RPS6KC1: variants seen among roughly 807,000 people sequenced by gnomAD.
RPS6KC1 encodes ribosomal protein S6 kinase C1.
A neutral mutation model predicts 103.8 loss-of-function variants in RPS6KC1; 54 were observed. The observed-to-expected ratio is 0.52, with a 90% CI of 0.42 to 0.65. RPS6KC1 has a LOEUF of 0.65. Ranked by LOEUF, RPS6KC1 falls within the 30% of genes least tolerant of loss-of-function variation. The pLI, the probability that RPS6KC1 is intolerant of heterozygous loss-of-function variation, is 0.00. For missense variants in RPS6KC1, 1,151 were observed against 1,253.8 expected (o/e 0.92, Z 1.24); for synonymous variants, 439 against 438.7 (o/e 1.00, Z -0.01).
intron 10 of RPS6KC1, among the ~76,000 whole-genome samples, chr1:213,238,781 A>C (rs962348319): frequency 1.3e-5 from 2 of 152,198 alleles, no homozygotes; most frequent in African/African-American, 4.8e-5. Flanking sequence ...CTGATTTAAC[A>C]AGCAGTGACT....
chr1:213,521,382 C>A, the RPS6KC1 span, among the ~76,000 whole-genome samples: 1 of 152,162 alleles, frequency 6.6e-6, no homozygotes, highest in Non-Finnish European at 1.5e-5. Flanking sequence ...CTAAGCCTTC[C>A]GTGAGTCAAT....
chr1:213,768,891 A>T, the RPS6KC1 span, among the ~76,000 whole-genome samples: 1 of 152,198 alleles, frequency 6.6e-6, no homozygotes. Flanking sequence ...TAATTGTCCA[A>T]AGATTTACTT....
At chr1:213,242,800 G>T in intron 12 of RPS6KC1, 142 bp downstream of exon 12, 1 of 608,666 alleles carries the variant, frequency 1.6e-6, no homozygotes, top group Non-Finnish European at 2.9e-6. Context: ...CTTCAAAAAA[G>T]AAAATTTGGG....
At chr1:213,303,051 C>T in the RPS6KC1 span, among the ~76,000 whole-genome samples, 1 of 152,176 alleles carries the variant, frequency 6.6e-6, no homozygotes. Flanking sequence ...TTGAGTAGCA[C>T]TCGACTGTAT....
At chr1:213,541,825 G>T in the RPS6KC1 span, among the ~76,000 whole-genome samples, 5 of 152,162 alleles carry the variant, frequency 3.3e-5, no homozygotes, top group African/African-American at 7.2e-5. Flanking sequence ...GAAAGGGAGG[G>T]CCTGGGCAAA....
the RPS6KC1 span, among the ~76,000 whole-genome samples, chr1:213,588,532 C>T: frequency 6.6e-6 from 1 of 152,232 alleles, no homozygotes; most frequent in East Asian, 1.9e-4. Flanking sequence ...ATCTCCTGAC[C>T]TTGTGATCTG....
chr1:213,108,285 G>C (rs1386672031), intron 4 of RPS6KC1, among the ~76,000 whole-genome samples: 2 of 152,112 alleles, frequency 1.3e-5, no homozygotes, highest in African/African-American at 4.8e-5. Flanking sequence ...TGAAGGAACG[G>C]TCTAAATTCA....
At chr1:213,381,812 C>A in the RPS6KC1 span, among the ~76,000 whole-genome samples, 1 of 152,226 alleles carries the variant, frequency 6.6e-6, no homozygotes, top group Non-Finnish European at 1.5e-5. Context: ...ACCGATAGCA[C>A]CAAGCCTGCA....
At chr1:213,664,286 G>A in the RPS6KC1 span, among the ~76,000 whole-genome samples, 1 of 151,932 alleles carries the variant, frequency 6.6e-6, no homozygotes, top group African/African-American at 2.4e-5. Flanking sequence ...TCCGGCCTCA[G>A]GAGCATGTTC....
At chr1:213,082,292 G>A (rs527439073) in intron 3 of RPS6KC1, among the ~76,000 whole-genome samples, 211 of 152,176 alleles carry the variant, frequency 1.4e-3, no homozygotes, top group African/African-American at 4.9e-3. Context: ...TTAGCCAGGC[G>A]TGGTGGCAGG....
chr1:213,686,832 G>A, the RPS6KC1 span, among the ~76,000 whole-genome samples: 2 of 152,114 alleles, frequency 1.3e-5, no homozygotes, highest in African/African-American at 4.8e-5. Context: ...TATTTTTATG[G>A]TTATTTCTTG....
At chr1:213,109,059 C>T (rs1176934739) in intron 4 of RPS6KC1, among the ~76,000 whole-genome samples, 1 of 152,072 alleles carries the variant, frequency 6.6e-6, no homozygotes, top group Non-Finnish European at 1.5e-5. Context: ...ATCTGTAGTT[C>T]AGTTTGGGGA....
chr1:213,059,712 G>T (rs996423876), intron 1 of RPS6KC1, among the ~76,000 whole-genome samples: 4 of 151,236 alleles, frequency 2.6e-5, no homozygotes, highest in Non-Finnish European at 5.9e-5. Flanking sequence ...TCGCTCTGTT[G>T]CCCAGGCTGG....
At chr1:213,466,094 TC>T in the RPS6KC1 span, among the ~76,000 whole-genome samples, 2 of 152,034 alleles carry the variant, frequency 1.3e-5, no homozygotes, top group African/African-American at 4.8e-5. Flanking sequence ...TCCCCACCTG[TC>T]CCCCACAACC....
chr1:213,604,710 G>A, the RPS6KC1 span, among the ~76,000 whole-genome samples: 2 of 152,170 alleles, frequency 1.3e-5, no homozygotes, highest in Non-Finnish European at 1.5e-5. Flanking sequence ...TGCAGCCCTG[G>A]GGCGACCATC....
intron 8 of RPS6KC1, among the ~76,000 whole-genome samples, chr1:213,184,008 T>G (rs1261905878): frequency 6.6e-6 from 1 of 152,252 alleles, no homozygotes; most frequent in East Asian, 1.9e-4. Flanking sequence ...TTTGATAATT[T>G]AGATGGAATG....
the RPS6KC1 span, among the ~76,000 whole-genome samples, chr1:213,804,226 G>GA: frequency 6.7e-6 from 1 of 148,976 alleles, no homozygotes; most frequent in Non-Finnish European, 1.5e-5. Flanking sequence ...ATATTTTCAG[G>GA]GACCAATGCT....
At chr1:213,756,416 A>T in the RPS6KC1 span, among the ~76,000 whole-genome samples, 4 of 152,154 alleles carry the variant, frequency 2.6e-5, no homozygotes, top group African/African-American at 9.7e-5. Flanking sequence ...TAGTACAGGC[A>T]TACCTTGTTT....
chr1:213,526,096 A>G, the RPS6KC1 span, among the ~76,000 whole-genome samples: 2 of 152,192 alleles, frequency 1.3e-5, no homozygotes, highest in Non-Finnish European at 2.9e-5. Flanking sequence ...CTGCAGGAGA[A>G]CAAAAGGATA....
Sources: allele counts gnomAD v4.1 joint callset (sites outside exome capture counted in the v4.1 genomes callset), GRCh38; gene constraint gnomAD v4.1.1; transcripts MANE v1.5; gene names NCBI Gene and HGNC (gene_info 2026-07-23, HGNC 2026-07-21).